The following CCDC6 variants were observed in gnomAD, a reference collection of about 807,000 sequenced individuals.
The protein encoded by CCDC6 is coiled-coil domain-containing protein 6.
In CCDC6, 20 loss-of-function variants were observed where a neutral mutation model predicts 56.6. The observed-to-expected ratio is 0.35, with a 90% CI of 0.25 to 0.51. The LOEUF (loss-of-function observed/expected upper bound fraction) is 0.51, where lower values mean the gene tolerates loss of function less well. Among genes scored for constraint, CCDC6 ranks in the 20% least tolerant of loss-of-function variants. The pLI, the probability that CCDC6 is intolerant of heterozygous loss-of-function variation, is 0.95. For missense variants in CCDC6, 367 were observed against 601.1 expected (o/e 0.61, Z 4.07); for synonymous variants, 241 against 234.4 (o/e 1.03, Z -0.26).
chr10:59,899,729 GCTA>G (rs890436704), intron 1 of CCDC6, among the ~76,000 whole-genome samples: 8 of 152,296 alleles, frequency 5.3e-5, no homozygotes, highest in Non-Finnish European at 8.8e-5. Flanking sequence ...TTCCAATGGG[GCTA>G]CTTTTTCCTC....
chr10:59,824,854 T>C (rs2070775054), intron 3 of CCDC6, among the ~76,000 whole-genome samples: 1 of 152,222 alleles, frequency 6.6e-6, no homozygotes, highest in African/African-American at 2.4e-5. Context: ...GAAAAAAAAT[T>C]CCAAGACTTC....
intron 1 of CCDC6, among the ~76,000 whole-genome samples, chr10:59,882,770 G>C (rs1192127799): frequency 6.6e-6 from 1 of 152,080 alleles, no homozygotes; most frequent in Non-Finnish European, 1.5e-5. Context: ...ACCATTCTGG[G>C]TAACACAGTG....
chr10:59,882,566 G>GGGGAGAAGGAAAGGAAAGC (rs1564756183), intron 1 of CCDC6, among the ~76,000 whole-genome samples: 1 of 15,972 alleles, frequency 6.3e-5, no homozygotes, highest in Non-Finnish European at 2.3e-4. Context: ...AAGGAAAGCC[G>GGGGAGAAGGAAAGGAAAGC]CGGGGAGAAG....
In CCDC6 at chr10:59,906,305, G is replaced by GCCT; in HGVS notation, c.117_119dup (p.Gly44dup). On this transcript the variant is annotated inframe_insertion, in exon 1 of 9. Transcript: ENST00000263102. ...TGCCCCCCGACTTCCCACCGCCGCC[G>GCCT]CCTCCCCCGCCGCCACCGCCGCCGC... The GCCT allele has an allele frequency of 6.3e-7, 1 of 1,598,992 alleles. No homozygotes were observed.
intron 2 of CCDC6, among the ~76,000 whole-genome samples, chr10:59,841,534 A>G (rs1400272704): frequency 6.6e-6 from 1 of 152,204 alleles, no homozygotes; most frequent in Non-Finnish European, 1.5e-5. Flanking sequence ...TTCCACTTAC[A>G]CAATAATAAG....
At chr10:59,832,442 A>C in intron 3 of CCDC6, 83 bp downstream of exon 3, 1 of 1,350,342 alleles carries the variant, frequency 7.4e-7, no homozygotes, top group Non-Finnish European at 1.0e-6. Context: ...TTTTCACTTA[A>C]ATTCCTCCAG....
chr10:59,797,282 T>C (rs1260716979), intron 7 of CCDC6, among the ~76,000 whole-genome samples: 5 of 151,998 alleles, frequency 3.3e-5, no homozygotes, highest in African/African-American at 1.2e-4. Flanking sequence ...ACGAATAAAC[T>C]ACAGAGAGTT....
chr10:59,838,150 C>G lies in CCDC6; in HGVS notation c.454-5497G>C, dbSNP rs375046969. Among the ~76,000 whole-genome samples, 8 of 152,214 alleles carry G rather than the reference C, an allele frequency of 5.3e-5. No homozygotes were observed. The East Asian group carries it at 1.5e-3, about 29-fold the overall frequency. ...ATTCCCACCTCCTCCCCTTCTGTTACTGGTACCAGTATTCTGGGTCAATGC... is the reference window on the plus strand; with the variant it reads ...ATTCCCACCTCCTCCCCTTCTGTTAGTGGTACCAGTATTCTGGGTCAATGC... On this transcript the variant is annotated intron_variant, in intron 2 of 8. Transcript: ENST00000263102.
intron 2 of CCDC6, among the ~76,000 whole-genome samples, chr10:59,834,029 G>A (rs2070858206): frequency 6.6e-6 from 1 of 152,112 alleles, no homozygotes; most frequent in Admixed American, 6.6e-5. Context: ...CACACCCTGT[G>A]CACCTGGAAA....
At chr10:59,839,250 T>C (rs2070915366) in intron 2 of CCDC6, among the ~76,000 whole-genome samples, 1 of 152,250 alleles carries the variant, frequency 6.6e-6, no homozygotes, top group Non-Finnish European at 1.5e-5. Flanking sequence ...CCCTCATCTC[T>C]GATGTGTGCT....
chr10:59,812,498 C>T, intron 5 of CCDC6, 137 bp downstream of exon 5: 1 of 543,812 alleles, frequency 1.8e-6, no homozygotes, highest in Non-Finnish European at 2.9e-6. Context: ...GGATGATGAA[C>T]TTAAGTAAAC....
chr10:59,872,024 C>T (rs918015668), intron 1 of CCDC6, among the ~76,000 whole-genome samples: 1 of 152,206 alleles, frequency 6.6e-6, no homozygotes, highest in Non-Finnish European at 1.5e-5. Context: ...AAAAGCACTG[C>T]TAATGTTATC....
chr10:59,881,001 C>T lies in CCDC6; in HGVS notation c.303+25121G>A, dbSNP rs553844241. ...CTTTCTATAATCTGGCAGAGCAGAG[C>T]GTTGTCTGCCCGACCCCCTGCTGCA... On this transcript the variant is annotated intron_variant, in intron 1 of 8. Coordinates refer to ENST00000263102, the MANE Select transcript of CCDC6 (RefSeq NM_005436.5). Among the ~76,000 whole-genome samples the T allele has an allele frequency of 3.3e-5, 5 of 152,260 alleles. No homozygotes were observed. In the East Asian group the frequency reaches 9.7e-4, roughly 29 times the overall value.
chr10:59,871,468 TAAAAAAA>T (rs138741485), intron 1 of CCDC6, among the ~76,000 whole-genome samples: 56 of 98,478 alleles, frequency 5.7e-4, no homozygotes, highest in African/African-American at 2.1e-3. Flanking sequence ...TAATACTCAT[TAAAAAAA>T]AAAAAAAAAA....
Position 59,906,419 on chromosome 10 carries a change from C to A in CCDC6, c.6G>T (p.Ala2=). M[A]DSASESDTDG... ...CCGTGTCGCTCTCGCTGGCGCTGTC[C>A]GCCATGGCCGCGGCGGGCTGGGGAA... The change falls in exon 1 of 9, where the codon GCG becomes GCT. Residue 2 remains alanine, a synonymous_variant. Coordinates refer to ENST00000263102, the MANE Select transcript of CCDC6 (RefSeq NM_005436.5). The A allele has an allele frequency of 2.0e-6, 3 of 1,523,806 alleles. No homozygotes were observed. Among genetic ancestry groups the A allele is most frequent in the Non-Finnish European group, 2.6e-6 (3 of 1,151,052 alleles). 94.4% of individuals were successfully genotyped at this position (1,523,806 alleles called of 1,614,324 possible). A position where few individuals can be genotyped will look rare whatever the true frequency, so the allele number is the denominator to read the frequency against.
chr10:59,834,826 G>A (rs978941383), intron 2 of CCDC6, among the ~76,000 whole-genome samples: 4 of 152,132 alleles, frequency 2.6e-5, no homozygotes, highest in Non-Finnish European at 5.9e-5. Context: ...CGAATGAATA[G>A]AGAACAAGAA....
At chr10:59,814,896 T>C (rs1389406163) in intron 3 of CCDC6, 141 bp from the exon 4 acceptor site, 3 of 614,876 alleles carry the variant, frequency 4.9e-6, no homozygotes, top group Non-Finnish European at 2.9e-6. Flanking sequence ...ACATATTAAG[T>C]GCATCTAGTT....
chr10:59,794,571 C>A lies in CCDC6; in HGVS notation c.1132G>T (p.Gly378Cys). 1 of 1,613,928 alleles carries A rather than the reference C, an allele frequency of 6.2e-7. No individual in the cohort carries two copies. The highest frequency in any genetic ancestry group is 8.5e-7 in the Non-Finnish European group (1 of 1,179,826). ...GTCAGTGAAGTTGGTGGCGTGAAACCAACCGTGTGACTTGCATATGATAGA... is the reference window on the plus strand; with the variant it reads ...GTCAGTGAAGTTGGTGGCGTGAAACAAACCGTGTGACTTGCATATGATAGA... The part of the protein sequence containing the change: ...PGLSYASHTV[G>C]FTPPTSLTRA... Residue 378 changes from glycine (G) to cysteine (C), a missense_variant, in exon 8 of 9, where the codon GGT becomes TGT. Gly to Cys is a radical substitution (Grantham distance 159, BLOSUM62 -3). This residue lies in a region of CCDC6 where 79 missense variants were observed against 83.9 expected (regional missense o/e 0.94). Coordinates refer to ENST00000263102, the MANE Select transcript of CCDC6 (RefSeq NM_005436.5).
intron 1 of CCDC6, among the ~76,000 whole-genome samples, chr10:59,862,130 A>C (rs1406276145): frequency 6.6e-6 from 1 of 152,150 alleles, no homozygotes; most frequent in African/African-American, 2.4e-5. Context: ...ACTGAAGGAT[A>C]CTTATAATAC....
Sources: gnomAD v4.1 joint callset for allele counts (sites outside exome capture counted in the v4.1 genomes callset) on GRCh38, gnomAD v4.1.1 for gene constraint, gnomAD v4.1.1 regional missense constraint, MANE v1.5 for transcripts, NCBI Gene and HGNC (gene_info 2026-07-23, HGNC 2026-07-21) for gene names.